Variants in GALNT13 observed in about 807,000 individuals in gnomAD.
GALNT13 encodes the protein UDP-GalNAc:polypeptide N-acetylgalactosaminyltransferase 13.
A neutral mutation model predicts 64.2 loss-of-function variants in GALNT13; 28 were observed. That is an observed-to-expected ratio of 0.44 (90% CI 0.32 to 0.60). GALNT13 has a LOEUF of 0.60. Among genes scored for constraint, GALNT13 ranks in the 20% least tolerant of loss-of-function variants. The pLI is 0.05. For synonymous variants in GALNT13, 214 were observed against 224.6 expected (o/e 0.95, Z 0.42); for missense variants, 577 against 669.8 (o/e 0.86, Z 1.53).
At chr2:153,400,869 A>G in the GALNT13 span, among the ~76,000 whole-genome samples, 1 of 152,076 alleles carries the variant, frequency 6.6e-6, no homozygotes, top group Non-Finnish European at 1.5e-5. Context: ...ATCCTTTCAA[A>G]AAACCAGCTC....
At chr2:153,804,106 A>G in the GALNT13 span, among the ~76,000 whole-genome samples, 1 of 152,250 alleles carries the variant, frequency 6.6e-6, no homozygotes, top group African/African-American at 2.4e-5. Context: ...AGACATGCCA[A>G]TGAAATAGAA....
At chr2:153,499,820 A>T in the GALNT13 span, among the ~76,000 whole-genome samples, 32 of 152,180 alleles carry the variant, frequency 2.1e-4, no homozygotes, top group Admixed American at 5.2e-4. Flanking sequence ...GGGAGCAGGC[A>T]CTTCTGAGCC....
chr2:153,412,018 T>G, the GALNT13 span, among the ~76,000 whole-genome samples: 2 of 152,148 alleles, frequency 1.3e-5, no homozygotes, highest in African/African-American at 4.8e-5. Context: ...CAGGAAAAAT[T>G]GAAAAGGTGA....
chr2:153,803,932 A>G, the GALNT13 span, among the ~76,000 whole-genome samples: 6 of 152,120 alleles, frequency 3.9e-5, no homozygotes, highest in African/African-American at 1.4e-4. Flanking sequence ...TGCGGTATTC[A>G]TTATGGCAGC....
intron 11 of GALNT13, among the ~76,000 whole-genome samples, chr2:154,412,276 A>G (rs1699827827): frequency 6.6e-6 from 1 of 151,816 alleles, no homozygotes; most frequent in Admixed American, 6.6e-5. Flanking sequence ...AAGATAATTA[A>G]TACTAGGAAC....
chr2:153,580,724 A>G, the GALNT13 span, among the ~76,000 whole-genome samples: 2 of 152,198 alleles, frequency 1.3e-5, no homozygotes, highest in Non-Finnish European at 2.9e-5. Context: ...ATAGGTGTTT[A>G]TAACAATTGC....
At chr2:153,094,972 G>A in the GALNT13 span, among the ~76,000 whole-genome samples, 1 of 152,090 alleles carries the variant, frequency 6.6e-6, no homozygotes, top group Non-Finnish European at 1.5e-5. Flanking sequence ...CAGGACATAG[G>A]CATGGGCAAG....
At chr2:154,081,244 T>C (rs1701258439) in intron 3 of GALNT13, among the ~76,000 whole-genome samples, 1 of 151,596 alleles carries the variant, frequency 6.6e-6, no homozygotes, top group Non-Finnish European at 1.5e-5. Flanking sequence ...GTCACTTGTA[T>C]TTTTCTTTTA....
chr2:153,790,706 T>C, the GALNT13 span, among the ~76,000 whole-genome samples: 1 of 152,138 alleles, frequency 6.6e-6, no homozygotes, highest in African/African-American at 2.4e-5. Context: ...GAAAATGCAA[T>C]AGTCTCTGCC....
the GALNT13 span, among the ~76,000 whole-genome samples, chr2:153,774,505 G>T: frequency 2.0e-5 from 3 of 152,114 alleles, no homozygotes. Flanking sequence ...TTCATCAAAC[G>T]TTTATATGGG....
At chr2:153,432,734 G>C in the GALNT13 span, among the ~76,000 whole-genome samples, 1 of 151,826 alleles carries the variant, frequency 6.6e-6, no homozygotes, top group Non-Finnish European at 1.5e-5. Context: ...GAGGTGGTTG[G>C]GGGGCATTGC....
intron 3 of GALNT13, among the ~76,000 whole-genome samples, chr2:153,979,212 G>A (rs1193761460): frequency 6.6e-6 from 1 of 152,004 alleles, no homozygotes; most frequent in Non-Finnish European, 1.5e-5. Flanking sequence ...TACTTATAAT[G>A]AATTACCCCA....
At chr2:154,103,514 A>C (rs1702455107) in intron 3 of GALNT13, among the ~76,000 whole-genome samples, 1 of 152,162 alleles carries the variant, frequency 6.6e-6, no homozygotes, top group Non-Finnish European at 1.5e-5. Flanking sequence ...ATTGATATAC[A>C]GCTTGCATCA....
In GALNT13 at chr2:154,192,326, C is replaced by T. The variant is rs79580424; in HGVS notation, c.312-49704C>T. 1.2e-4 allele frequency among the ~76,000 whole-genome samples: 19 copies of T among 152,256 alleles called. No individual in the cohort carries two copies. In the East Asian group the frequency reaches 3.7e-3, roughly 30 times the overall value. ...TGACAGGCCAGGGTGAGAAATCCAA[C>T]ATCTGGGTGCGAAGCCAGGAGTGCG... is the stretch of plus-strand genomic sequence containing the variant. On this transcript the variant is annotated intron_variant, in intron 4 of 12. Coordinates refer to ENST00000392825, the MANE Select transcript of GALNT13 (RefSeq NM_052917.4).
rs60950180 is a variant in GALNT13 at position 154,014,635 on chromosome 2, C to CTTTTTTTTTTTTTTTTTTTTTTTT, written c.142+70011_142+70012insTTTTTTTTTTTTTTTTTTTTTTTT. 2.3e-4 allele frequency among the ~76,000 whole-genome samples: 18 copies of CTTTTTTTTTTTTTTTTTTTTTTTT among 77,218 alleles called. 2 individuals carry two copies. The highest frequency in any genetic ancestry group is 3.5e-4 in the Non-Finnish European group (13 of 37,106). 50.7% of individuals were successfully genotyped at this position (77,218 alleles called of 152,430 possible). A position where few individuals can be genotyped will look rare whatever the true frequency, so the allele number is the denominator to read the frequency against. Reference sequence around the variant, plus strand: ...ACTTTTTGTCTTTCTGATAATTCTCCTTTTTTTTTTTTTTTGAGACGGAGT... The same window carrying CTTTTTTTTTTTTTTTTTTTTTTTT: ...ACTTTTTGTCTTTCTGATAATTCTCCTTTTTTTTTTTTTTTTTTTTTTTTTTTTTTTTTTTTTTTGAGACGGAGT... On this transcript the variant is annotated intron_variant, in intron 3 of 12. Coordinates refer to ENST00000392825, the MANE Select transcript of GALNT13 (RefSeq NM_052917.4).
the GALNT13 span, among the ~76,000 whole-genome samples, chr2:153,294,632 G>C: frequency 6.6e-6 from 1 of 152,142 alleles, no homozygotes; most frequent in African/African-American, 2.4e-5. Context: ...GAGGGAGCTG[G>C]GGCTGGAAGA....
chr2:154,022,133 A>G (rs1403576807), intron 3 of GALNT13, among the ~76,000 whole-genome samples: 3 of 152,164 alleles, frequency 2.0e-5, no homozygotes, highest in Non-Finnish European at 2.9e-5. Context: ...TTTTGCATCG[A>G]TGTTCATCAA....
chr2:153,459,427 C>T, the GALNT13 span, among the ~76,000 whole-genome samples: 3 of 151,976 alleles, frequency 2.0e-5, no homozygotes, highest in Non-Finnish European at 1.5e-5. Context: ...CCCTGGGCAA[C>T]ATAGCAAAAC....
At chr2:153,542,665 A>C in the GALNT13 span, among the ~76,000 whole-genome samples, 1 of 152,210 alleles carries the variant, frequency 6.6e-6, no homozygotes, top group East Asian at 1.9e-4. Flanking sequence ...TCAGATATGA[A>C]GGATGGGGGA....
Sources: gnomAD v4.1 joint callset for allele counts (sites outside exome capture counted in the v4.1 genomes callset) on GRCh38, gnomAD v4.1.1 for gene constraint, MANE v1.5 for transcripts, NCBI Gene and HGNC (gene_info 2026-07-23, HGNC 2026-07-21) for gene names.